Variants in TASP1 observed in about 807,000 individuals in gnomAD.
TASP1 encodes threonine aspartase 1.
TASP1 carries 16 observed loss-of-function variants against 56.6 expected under a neutral mutation model. That is an observed-to-expected ratio of 0.28 (90% CI 0.19 to 0.43). The LOEUF (loss-of-function observed/expected upper bound fraction) is 0.43, where lower values mean the gene tolerates loss of function less well. Among genes scored for constraint, TASP1 ranks in the 20% least tolerant of loss-of-function variants. The pLI is 1.00. For missense variants in TASP1, 393 were observed against 511.6 expected, an observed-to-expected ratio of 0.77 and a Z score of 2.24; for synonymous variants, 179 against 184.2, an observed-to-expected ratio of 0.97 and a Z score of 0.23.
chr20:13,241,025 C>A, the TASP1 span, among the ~76,000 whole-genome samples: 1 of 152,100 alleles, frequency 6.6e-6, no homozygotes, highest in Non-Finnish European at 1.5e-5. Flanking sequence ...AAAAGGAGAA[C>A]CAAGAGGTGT....
the TASP1 span, among the ~76,000 whole-genome samples, chr20:13,352,249 A>G: frequency 6.6e-6 from 1 of 152,158 alleles, no homozygotes; most frequent in Non-Finnish European, 1.5e-5. Flanking sequence ...CAGGAGTTCA[A>G]CACCAGCCTG....
chr20:13,355,657 G>C, the TASP1 span, among the ~76,000 whole-genome samples: 5 of 152,204 alleles, frequency 3.3e-5, no homozygotes, highest in African/African-American at 1.2e-4. Flanking sequence ...GGTATGTCAA[G>C]CCCTGGCTGC....
At chr20:13,285,566 C>T in the TASP1 span, among the ~76,000 whole-genome samples, 3 of 152,170 alleles carry the variant, frequency 2.0e-5, no homozygotes. Context: ...GAAGAGTTCC[C>T]TGCAGCAAGA....
intron 4 of TASP1, among the ~76,000 whole-genome samples, chr20:13,604,169 T>G (rs746982247): frequency 5.3e-5 from 8 of 152,212 alleles, no homozygotes; most frequent in African/African-American, 1.7e-4. Context: ...CCCATAGCAG[T>G]TGACATGGTC....
chr20:13,398,254 T>G (rs935127248), intron 13 of TASP1, among the ~76,000 whole-genome samples: 1 of 152,102 alleles, frequency 6.6e-6, no homozygotes, highest in Non-Finnish European at 1.5e-5. Context: ...TGTCAAAATC[T>G]TGTGCTTCCT....
At chr20:13,461,818 C>G (rs2044064497) in intron 11 of TASP1, among the ~76,000 whole-genome samples, 1 of 152,136 alleles carries the variant, frequency 6.6e-6, no homozygotes, top group Admixed American at 6.6e-5. Flanking sequence ...AAACAAAGTT[C>G]CCAACTTCCA....
chr20:13,568,739 C>T (rs73086039), intron 7 of TASP1, among the ~76,000 whole-genome samples: 36,286 of 151,990 alleles, frequency 0.24, 4,439 homozygotes, highest in Middle Eastern at 0.29. Context: ...GACAGGTTCC[C>T]AGAAGCAGAA....
At chr20:13,438,078 C>A (rs1433571578) in intron 11 of TASP1, among the ~76,000 whole-genome samples, 1 of 152,004 alleles carries the variant, frequency 6.6e-6, no homozygotes, top group Non-Finnish European at 1.5e-5. Context: ...AGATTCAATG[C>A]CCAAGGTAAT....
chr20:13,531,497 T>C (rs2045216366), intron 9 of TASP1, among the ~76,000 whole-genome samples: 1 of 151,534 alleles, frequency 6.6e-6, no homozygotes, highest in African/African-American at 2.4e-5. Context: ...TTTTTTTTTT[T>C]TTTTCTTTTT....
At chr20:13,376,967 A>AT in the TASP1 span, among the ~76,000 whole-genome samples, 1 of 152,104 alleles carries the variant, frequency 6.6e-6, no homozygotes, top group Non-Finnish European at 1.5e-5. Flanking sequence ...GCTTAAGGAG[A>AT]TTTTGGGCTG....
At chr20:13,340,745 GA>G in the TASP1 span, among the ~76,000 whole-genome samples, 3 of 152,090 alleles carry the variant, frequency 2.0e-5, no homozygotes, top group Admixed American at 6.6e-5. Flanking sequence ...TTTTGCAGAA[GA>G]TCAAATACAT....
the TASP1 span, among the ~76,000 whole-genome samples, chr20:13,138,569 A>G: frequency 6.6e-6 from 1 of 152,238 alleles, no homozygotes; most frequent in Non-Finnish European, 1.5e-5. Flanking sequence ...GGCACCGAAC[A>G]CTATACTTGG....
chr20:13,473,250 C>G (rs916674138), intron 11 of TASP1, among the ~76,000 whole-genome samples: 1 of 151,964 alleles, frequency 6.6e-6, no homozygotes, highest in Admixed American at 6.6e-5. Context: ...AAAAACCAAA[C>G]ACCGCATGTT....
chr20:13,138,030 C>G, the TASP1 span, among the ~76,000 whole-genome samples: 3 of 152,214 alleles, frequency 2.0e-5, no homozygotes, highest in Admixed American at 2.0e-4. Flanking sequence ...TTGCCACCAA[C>G]CCAGGGAGAC....
chr20:13,389,687 AT>A lies in TASP1; in HGVS notation c.*672del, dbSNP rs1379657250. On this transcript the variant is annotated 3_prime_UTR_variant, in exon 14 of 14. Coordinates refer to ENST00000337743, the MANE Select transcript of TASP1 (RefSeq NM_017714.3). Reference sequence around the variant, plus strand: ...CAATATTTAAGCTTAGAAAAGCTTGATGAAATAAGTACAAACTGTATCAATC... The same window carrying A: ...CAATATTTAAGCTTAGAAAAGCTTGAGAAATAAGTACAAACTGTATCAATC... The A allele has an allele frequency of 6.5e-6, 1 of 152,774 alleles. No individual in the cohort carries two copies. Among genetic ancestry groups the A allele is most frequent in the Non-Finnish European group, 1.5e-5 (1 of 68,138 alleles). The allele number at this position is 152,774 out of a possible 1,614,324, so 9.5% of individuals were successfully genotyped here. A position where few individuals can be genotyped will look rare whatever the true frequency, so the allele number is the denominator to read the frequency against.
intron 13 of TASP1, among the ~76,000 whole-genome samples, chr20:13,408,951 T>C (rs946752203): frequency 2.0e-5 from 3 of 152,004 alleles, no homozygotes; most frequent in Non-Finnish European, 4.4e-5. Flanking sequence ...TTTTTCTCCA[T>C]TTTAAAATTT....
At chr20:13,275,541 C>A in the TASP1 span, among the ~76,000 whole-genome samples, 57 of 152,300 alleles carry the variant, frequency 3.7e-4, 1 homozygote, top group Admixed American at 3.5e-3. Flanking sequence ...ATTTAGTCAG[C>A]CAGACTTGAC....
At chr20:13,204,528 C>CATATATATATATATATATAT in the TASP1 span, among the ~76,000 whole-genome samples, 381 of 145,262 alleles carry the variant, frequency 2.6e-3, 6 homozygotes, top group East Asian at 0.044. Context: ...TTTATATATT[C>CATATATATATATATATATAT]ATATATATAT....
At chr20:13,167,066 T>G in the TASP1 span, 17 of 152,294 alleles carry the variant, frequency 1.1e-4, no homozygotes, top group East Asian at 3.3e-3. Context: ...ACTGTTGATA[T>G]ACAGGTATAA....
Sources: gnomAD v4.1 joint callset for allele counts (sites outside exome capture counted in the v4.1 genomes callset) on GRCh38, gnomAD v4.1.1 for gene constraint, MANE v1.5 for transcripts, NCBI Gene and HGNC (gene_info 2026-07-23, HGNC 2026-07-21) for gene names.